The following EXOC4 variants were observed in gnomAD, a reference collection of about 807,000 sequenced individuals.
EXOC4 encodes SEC8-like 1.
EXOC4 carries 71 observed loss-of-function variants against 107.2 expected under a neutral mutation model. That is an observed-to-expected ratio of 0.66 (90% CI 0.55 to 0.81). The LOEUF (loss-of-function observed/expected upper bound fraction) is 0.81. Among genes scored for constraint, EXOC4 ranks in the 30% least tolerant of loss-of-function variants. The pLI is 0.00. For missense variants in EXOC4, 1,108 were observed against 1,189.6 expected, an observed-to-expected ratio of 0.93 and a Z score of 1.01; for synonymous variants, 456 against 441.2, an observed-to-expected ratio of 1.03 and a Z score of -0.42.
intron 10 of EXOC4, among the ~76,000 whole-genome samples, chr7:133,789,869 AC>A (rs34899279): frequency 0.1 from 15,444 of 152,226 alleles, 895 homozygotes; most frequent in Middle Eastern, 0.14. Flanking sequence ...ATACTGACTT[AC>A]TTTCTAACTC....
At chr7:133,384,708 G>A (rs1302641866) in intron 7 of EXOC4, among the ~76,000 whole-genome samples, 1 of 141,442 alleles carries the variant, frequency 7.1e-6, no homozygotes, top group Non-Finnish European at 1.5e-5. Context: ...TTCCTGAATT[G>A]GTCTTTTTTT....
intron 9 of EXOC4, among the ~76,000 whole-genome samples, chr7:133,618,827 T>C (rs1802257174): frequency 6.6e-6 from 1 of 152,140 alleles, no homozygotes; most frequent in Admixed American, 6.6e-5. Flanking sequence ...ATTATTTTTG[T>C]CAATTATTTA....
chr7:133,876,190 A>G (rs1269071551), intron 11 of EXOC4, among the ~76,000 whole-genome samples: 2 of 148,652 alleles, frequency 1.3e-5, no homozygotes, highest in Non-Finnish European at 3.0e-5. Context: ...AAATTAACTC[A>G]TATTGCTTAG....
intron 11 of EXOC4, among the ~76,000 whole-genome samples, chr7:133,853,345 AAC>A (rs59000979): frequency 0.22 from 25,302 of 113,712 alleles, 2,877 homozygotes; most frequent in East Asian, 0.27. Context: ...CTCTCTCTTT[AAC>A]ACACACACAC....
At chr7:133,606,101 A>C (rs1801939010) in intron 9 of EXOC4, among the ~76,000 whole-genome samples, 2 of 152,148 alleles carry the variant, frequency 1.3e-5, no homozygotes, top group African/African-American at 4.8e-5. Flanking sequence ...CCATTTTAAG[A>C]AGGTAGTTTC....
intron 11 of EXOC4, among the ~76,000 whole-genome samples, chr7:133,862,494 A>G (rs896220506): frequency 2.0e-4 from 30 of 146,836 alleles, no homozygotes; most frequent in Admixed American, 1.3e-3. Flanking sequence ...GGGGGCGGGG[A>G]AAAAAAAAGA....
intron 4 of EXOC4, among the ~76,000 whole-genome samples, chr7:133,316,785 CTT>C (rs1170270415): frequency 6.6e-6 from 1 of 152,116 alleles, no homozygotes; most frequent in Non-Finnish European, 1.5e-5. Context: ...TTATGAGTCT[CTT>C]TTAAAGAAAA....
At chr7:133,944,268 A>C (rs1800499890) in intron 14 of EXOC4, among the ~76,000 whole-genome samples, 1 of 152,170 alleles carries the variant, frequency 6.6e-6, no homozygotes, top group Non-Finnish European at 1.5e-5. Context: ...CACATATATC[A>C]CATAGTGATG....
intron 2 of EXOC4, among the ~76,000 whole-genome samples, chr7:133,281,408 G>T (rs1794137382): frequency 6.8e-6 from 1 of 147,872 alleles, no homozygotes; most frequent in Non-Finnish European, 1.5e-5. Flanking sequence ...GTCTCTTACG[G>T]CAGGAGAAAA....
intron 10 of EXOC4, among the ~76,000 whole-genome samples, chr7:133,646,852 ATCCTAAG>A (rs1158570038): frequency 1.4e-4 from 22 of 152,184 alleles, no homozygotes; most frequent in Admixed American, 3.9e-4. Context: ...ATATTAGCAT[ATCCTAAG>A]AAACCCAGGT....
intron 11 of EXOC4, among the ~76,000 whole-genome samples, chr7:133,844,136 G>A (rs1294820465): frequency 6.6e-6 from 1 of 151,972 alleles, no homozygotes. Flanking sequence ...TTGTTGTTGT[G>A]TCTCTGCCAG....
chr7:133,694,979 T>C (rs891522072), intron 10 of EXOC4, among the ~76,000 whole-genome samples: 1 of 152,050 alleles, frequency 6.6e-6, no homozygotes, highest in Non-Finnish European at 1.5e-5. Flanking sequence ...TGCACCACCA[T>C]GCCCGGCTAA....
intron 10 of EXOC4, among the ~76,000 whole-genome samples, chr7:133,749,955 GTTTTTTTTTTTTT>G (rs56902982): frequency 3.1e-4 from 19 of 62,106 alleles, no homozygotes; most frequent in East Asian, 5.4e-4. Context: ...GTGGTTGGCA[GTTTTTTTTTTTTT>G]TTTTTTTTTT....
intron 10 of EXOC4, among the ~76,000 whole-genome samples, chr7:133,736,169 C>A (rs1389583757): frequency 6.6e-6 from 1 of 152,156 alleles, no homozygotes; most frequent in East Asian, 1.9e-4. Context: ...CTCTCCTTAT[C>A]CTAAAGAAAC....
chr7:133,329,566 CCTTTGGT>C (rs1474166381), intron 5 of EXOC4, among the ~76,000 whole-genome samples: 1 of 152,178 alleles, frequency 6.6e-6, no homozygotes, highest in African/African-American at 2.4e-5. Flanking sequence ...GATTTATCTA[CCTTTGGT>C]CTTTGAAGTC....
intron 3 of EXOC4, among the ~76,000 whole-genome samples, chr7:133,299,910 T>C (rs181399528): frequency 6.6e-5 from 10 of 152,276 alleles, no homozygotes; most frequent in Non-Finnish European, 1.0e-4. Context: ...AGCACTGATA[T>C]CTCTCTGGAG....
At chr7:133,855,116 T>TATATATATATAAATATATATATATAA (rs1798338086) in intron 11 of EXOC4, among the ~76,000 whole-genome samples, 5 of 79,600 alleles carry the variant, frequency 6.3e-5, no homozygotes, top group South Asian at 3.6e-4. Flanking sequence ...TATATATAAA[T>TATATATATATAAATATATATATATAA]ATATATATAT....
chr7:133,709,129 G>T (rs1307502941), intron 10 of EXOC4, among the ~76,000 whole-genome samples: 2 of 152,170 alleles, frequency 1.3e-5, no homozygotes, highest in African/African-American at 4.8e-5. Flanking sequence ...TGGGCACTGT[G>T]TTCAGAAAGG....
At chr7:133,368,897 C>G (rs902609512) in intron 6 of EXOC4, among the ~76,000 whole-genome samples, 5 of 152,130 alleles carry the variant, frequency 3.3e-5, no homozygotes, top group African/African-American at 1.2e-4. Flanking sequence ...TTAAGGAATC[C>G]TGAGGTAATT....
Sources: gnomAD v4.1 joint callset for allele counts (sites outside exome capture counted in the v4.1 genomes callset) on GRCh38, gnomAD v4.1.1 for gene constraint, MANE v1.5 for transcripts, NCBI Gene and HGNC (gene_info 2026-07-23, HGNC 2026-07-21) for gene names.